METTL6: variants seen among roughly 807,000 people sequenced by gnomAD.
METTL6 encodes the protein tRNA N(3)-cytidine methyltransferase METTL6.
In METTL6, 22 loss-of-function variants were observed where a neutral mutation model predicts 26.4. The ratio of observed to expected loss-of-function variants is 0.83; its 90% CI spans 0.59 to 1.19. METTL6 has a LOEUF of 1.19. METTL6 is among the 50% of genes most tolerant of loss of function. The pLI, the probability that METTL6 is intolerant of heterozygous loss-of-function variation, is 0.00. For synonymous variants in METTL6, 109 were observed against 116.2 expected (o/e 0.94, Z 0.40); for missense variants, 304 against 324.8 (o/e 0.94, Z 0.49).
At chr3:15,412,742 A>C (rs1336133813) in intron 5 of METTL6, among the ~76,000 whole-genome samples, 3 of 151,960 alleles carry the variant, frequency 2.0e-5, no homozygotes, top group African/African-American at 7.3e-5. Context: ...CTTCTATCTC[A>C]GTCTCCCAAA....
chr3:15,425,118 A>G lies in METTL6; in HGVS notation c.226-29T>C, dbSNP rs185428931. On this transcript the variant is annotated intron_variant, in intron 2 of 5. Transcript: ENST00000383790. ...GGGAAAGACAGCTCAAAGTTATAGT[A>G]TATCACATTTGCATAATGAAGAAAT... 8 of 1,610,006 alleles carry G rather than the reference A, an allele frequency of 5.0e-6. No homozygotes were observed. In the Admixed American group the frequency reaches 1.0e-4, roughly 21 times the overall value.
chr3:15,411,705 C>T (rs1266986784), intron 5 of METTL6, among the ~76,000 whole-genome samples: 1 of 151,496 alleles, frequency 6.6e-6, no homozygotes, highest in African/African-American at 2.4e-5. Context: ...TTCTCAAATA[C>T]AAAAGCCCGA....
chr3:15,402,209 C>T (rs1219389844), intron 6 of METTL6, among the ~76,000 whole-genome samples: 1 of 152,194 alleles, frequency 6.6e-6, no homozygotes, highest in African/African-American at 2.4e-5. Context: ...GACTTTCATT[C>T]ACGGCTGAAT....
chr3:15,419,190 A>AC (rs1011307149), intron 3 of METTL6, among the ~76,000 whole-genome samples: 1 of 151,734 alleles, frequency 6.6e-6, no homozygotes, highest in African/African-American at 2.4e-5. Flanking sequence ...TTGTGTAAAA[A>AC]AAAAAGAGAT....
chr3:15,395,146 A>T (rs1699453154), intron 6 of METTL6, among the ~76,000 whole-genome samples: 1 of 152,200 alleles, frequency 6.6e-6, no homozygotes, highest in South Asian at 2.1e-4. Context: ...GTCTCTTTGT[A>T]GGTCTCTAAG....
intron 6 of METTL6, among the ~76,000 whole-genome samples, chr3:15,404,620 G>C (rs774340914): frequency 6.6e-6 from 1 of 151,606 alleles, no homozygotes. Context: ...CAAAGTGCTG[G>C]GATTACAGGT....
chr3:15,415,070 C>T (rs947731591), intron 4 of METTL6, among the ~76,000 whole-genome samples: 2 of 142,234 alleles, frequency 1.4e-5, no homozygotes, highest in African/African-American at 5.2e-5. Context: ...AAACAAAAAA[C>T]CAGAATGTCG....
At chr3:15,389,921 T>A (rs1043229679) in intron 6 of METTL6, among the ~76,000 whole-genome samples, 1 of 150,590 alleles carries the variant, frequency 6.6e-6, no homozygotes, top group African/African-American at 2.4e-5. Flanking sequence ...AGTGAAATTA[T>A]AGCTCAGTGC....
chr3:15,426,460 C>T lies in METTL6; in HGVS notation c.52G>A (p.Glu18Lys), dbSNP rs371025454. ...TGGTCTCTTTTCAGTTTCTCCTCTT[C>T]TTCAGAGGTGAGAATCCTTGCCTGC... ...GLQARILTSE[E>K]EEKLKRDQTL... Residue 18 changes from glutamate (E) to lysine (K), a missense_variant, in exon 2 of 6, where the codon GAA (glutamate) becomes AAA (lysine). Coordinates refer to ENST00000383790, the MANE Select transcript of METTL6 (RefSeq NM_152396.4). 2.6e-4 allele frequency: 413 copies of T among 1,614,094 alleles called. No individual in the cohort carries two copies. The highest frequency in any genetic ancestry group is 3.4e-4 in the Non-Finnish European group (404 of 1,180,034).
At chr3:15,402,099 G>C (rs1450464792) in intron 6 of METTL6, among the ~76,000 whole-genome samples, 2 of 152,188 alleles carry the variant, frequency 1.3e-5, no homozygotes, top group South Asian at 2.1e-4. Flanking sequence ...TGCCCAGATA[G>C]AGCCAGATCG....
Position 15,426,573 on chromosome 3 carries a change from T to A in METTL6, c.-62A>T. 5.9e-6 allele frequency: 8 copies of A among 1,359,266 alleles called. No individual in the cohort carries two copies. The highest frequency in any genetic ancestry group is 7.3e-6 in the Non-Finnish European group (7 of 963,408). The allele number at this position is 1,359,266 out of a possible 1,614,324, so 84.2% of individuals were successfully genotyped here. ...ATTCTCCATCACCAAATAATATGAA[T>A]CCACGCTAATGGATCAGATACATTT... On this transcript the variant is annotated 5_prime_UTR_variant, in exon 2 of 6. Transcript: ENST00000383790.
chr3:15,427,597 C>T (rs1010157962), upstream of METTL6: 1 of 601,722 alleles, frequency 1.7e-6, no homozygotes, highest in Non-Finnish European at 2.9e-6. Flanking sequence ...TCCTCAGATT[C>T]CTCTCTCACC....
At chr3:15,389,533 C>T (rs1476231993) in intron 6 of METTL6, among the ~76,000 whole-genome samples, 1 of 152,020 alleles carries the variant, frequency 6.6e-6, no homozygotes, top group Non-Finnish European at 1.5e-5. Flanking sequence ...TGTACTCCTC[C>T]AGAATTTATT....
Position 15,410,697 on chromosome 3 carries a change from T to A in METTL6, c.*559A>T, listed in dbSNP as rs1412927321. 2.6e-5 allele frequency among the ~76,000 whole-genome samples: 4 copies of A among 151,960 alleles called. No individual in the cohort carries two copies. Among genetic ancestry groups the A allele is most frequent in the Non-Finnish European group, 5.9e-5 (4 of 67,996 alleles). ...AACCATGGATAAAGCGGGACTACTG[T>A]ACATGCTCATTAAAAAAAATTAAGG... On this transcript the variant is annotated 3_prime_UTR_variant, in exon 6 of 6. Transcript: ENST00000383790.
chr3:15,414,067 G>C lies in METTL6; in HGVS notation c.627C>G (p.Asn209Lys), dbSNP rs574729390. The change falls in exon 5 of 6, where the codon AAC becomes AAG. Residue 209 changes from asparagine (N) to lysine (K), a missense_variant. By Grantham distance (94) the Asn-to-Lys change is moderately conservative. Coordinates refer to ENST00000383790, the MANE Select transcript of METTL6 (RefSeq NM_152396.4). ...TGGTCCCATCTTGTCTAACATAAAAGTTTTCTCCAAGTTTGCTGCTGGCTT... is the reference window on the plus strand; with the variant it reads ...TGGTCCCATCTTGTCTAACATAAAACTTTTCTCCAAGTTTGCTGCTGGCTT... ...RFKASSKLGE[N>K]FYVRQDGTRS... The C allele has an allele frequency of 1.2e-6, 2 of 1,614,118 alleles. No individual in the cohort carries two copies. Among genetic ancestry groups the C allele is most frequent in the African/African-American group, 1.3e-5 (1 of 75,032 alleles).
chr3:15,401,281 C>T (rs1315662554), intron 6 of METTL6, among the ~76,000 whole-genome samples: 2 of 151,906 alleles, frequency 1.3e-5, no homozygotes, highest in Non-Finnish European at 2.9e-5. Context: ...CCTTGTGATC[C>T]GCCCGCCTCG....
In METTL6 at chr3:15,424,918, ACAGAAACACAGCAGAATACATAGATGGTG is replaced by A. The variant is rs760797015; in HGVS notation, c.360+8_360+36del. The A allele has an allele frequency of 6.2e-7, 1 of 1,609,376 alleles. No individual in the cohort carries two copies. The stretch of plus-strand genomic sequence containing the variant: ...CAGATCAAACAAGATCGGCAAGAAA[ACAGAAACACAGCAGAATACATAGATGGTG>A]CACCAACCTTAACATATTCAATGGC... On this transcript the variant is annotated splice_region_variant and intron_variant, in intron 3 of 5. Coordinates refer to ENST00000383790, the MANE Select transcript of METTL6 (RefSeq NM_152396.4).
At chr3:15,420,888 C>T (rs1159452969) in intron 3 of METTL6, among the ~76,000 whole-genome samples, 1 of 152,150 alleles carries the variant, frequency 6.6e-6, no homozygotes, top group Non-Finnish European at 1.5e-5. Context: ...GGGTTCTATG[C>T]CAGAATGTTC....
Position 15,411,246 on chromosome 3 carries a change from T to G in METTL6, c.*10A>C, listed in dbSNP as rs745718919. ...TCAAGGGAAGGTATAAATGCCAACC[T>G]CATGAAAGGTCAGGACTTAGGATCC... On this transcript the variant is annotated 3_prime_UTR_variant, in exon 6 of 6. Coordinates refer to ENST00000383790, the MANE Select transcript of METTL6 (RefSeq NM_152396.4). 5 of 1,603,604 alleles carry G rather than the reference T, an allele frequency of 3.1e-6. No homozygotes were observed. The East Asian group carries it at 8.9e-5, about 29-fold the overall frequency.
Sources: gnomAD v4.1 joint callset for allele counts (sites outside exome capture counted in the v4.1 genomes callset) on GRCh38, gnomAD v4.1.1 for gene constraint, MANE v1.5 for transcripts, NCBI Gene and HGNC (gene_info 2026-07-23, HGNC 2026-07-21) for gene names.